SDCCAG8: variants seen among roughly 807,000 people sequenced by gnomAD.
SDCCAG8 encodes the protein serologically defined colon cancer antigen 8.
A neutral mutation model predicts 101.8 loss-of-function variants in SDCCAG8; 74 were observed. That is an observed-to-expected ratio of 0.73 (90% CI 0.60 to 0.88). The LOEUF is 0.88. SDCCAG8 is among the 40% of genes least tolerant of loss of function. The probability of loss-of-function intolerance (pLI) is 0.00; values close to 1 mark genes in which losing one functional copy is unlikely to be tolerated. For missense variants in SDCCAG8, 787 were observed against 822.6 expected (o/e 0.96, Z 0.53); for synonymous variants, 281 against 292.9 (o/e 0.96, Z 0.41).
At chr1:243,403,662 C>T (rs1350921518) in intron 13 of SDCCAG8, among the ~76,000 whole-genome samples, 1 of 152,072 alleles carries the variant, frequency 6.6e-6, no homozygotes. Context: ...CCATGGGGCG[C>T]TAACCGTATT....
chr1:243,283,421 G>A (rs1462398529), intron 4 of SDCCAG8, among the ~76,000 whole-genome samples: 1 of 144,430 alleles, frequency 6.9e-6, no homozygotes, highest in African/African-American at 2.5e-5. Flanking sequence ...ATATATACAT[G>A]TATATATATA....
rs566225048 is a variant in SDCCAG8, at chr1:243,378,926, C to T, written c.1616+63C>T. On this transcript the variant is annotated intron_variant, in intron 13 of 17. Coordinates refer to ENST00000366541, the MANE Select transcript of SDCCAG8 (RefSeq NM_006642.5). The stretch of plus-strand genomic sequence containing the variant: ...TCATTCCACTGATTTTTGCCACAGG[C>T]TTCCAAACAGTTGTTAGAGTTAGTC... 15 of 1,599,080 alleles carry T rather than the reference C, an allele frequency of 9.4e-6. No individual in the cohort carries two copies. The South Asian group carries it at 1.4e-4, about 15-fold the overall frequency.
At chr1:243,289,036 T>G (rs1361168286) in intron 5 of SDCCAG8, among the ~76,000 whole-genome samples, 1 of 151,522 alleles carries the variant, frequency 6.6e-6, no homozygotes, top group African/African-American at 2.4e-5. Flanking sequence ...AATTGAAACA[T>G]TTATATGGTG....
intron 12 of SDCCAG8, among the ~76,000 whole-genome samples, chr1:243,368,002 C>A (rs1472962758): frequency 6.6e-6 from 1 of 151,366 alleles, no homozygotes; most frequent in Non-Finnish European, 1.5e-5. Context: ...TCGCTTGAGC[C>A]CAGGAGTTCA....
intron 12 of SDCCAG8, among the ~76,000 whole-genome samples, chr1:243,347,517 CTGTT>C: frequency 6.6e-6 from 1 of 152,180 alleles, no homozygotes; most frequent in Non-Finnish European, 1.5e-5. Flanking sequence ...TTGTTGTTGT[CTGTT>C]AAATTTTGTA....
At chr1:243,341,550 G>A (rs189719702) in intron 11 of SDCCAG8, among the ~76,000 whole-genome samples, 1 of 152,284 alleles carries the variant, frequency 6.6e-6, no homozygotes, top group African/African-American at 2.4e-5. Flanking sequence ...ATAGCATAAG[G>A]TTGGTGTTTA....
intron 13 of SDCCAG8, among the ~76,000 whole-genome samples, chr1:243,394,139 G>A (rs972669599): frequency 2.0e-5 from 3 of 151,990 alleles, no homozygotes; most frequent in African/African-American, 7.3e-5. Context: ...TTTTGAACTT[G>A]TCTATTTCTT....
At chr1:243,295,914 G>T (rs1327740936) in intron 6 of SDCCAG8, among the ~76,000 whole-genome samples, 1 of 152,160 alleles carries the variant, frequency 6.6e-6, no homozygotes, top group Non-Finnish European at 1.5e-5. Context: ...TACCTCACAA[G>T]TGTTTTTCAC....
At chr1:243,268,641 C>T (rs1209772900) in intron 1 of SDCCAG8, among the ~76,000 whole-genome samples, 1 of 152,162 alleles carries the variant, frequency 6.6e-6, no homozygotes, top group East Asian at 1.9e-4. Context: ...AAATGAGTTG[C>T]TGCAAGTAAA....
intron 13 of SDCCAG8, among the ~76,000 whole-genome samples, chr1:243,391,916 C>T (rs571023361): frequency 2.9e-4 from 44 of 152,186 alleles, no homozygotes; most frequent in African/African-American, 9.9e-4. Context: ...GCCCTTTGCC[C>T]AGTAGCTCAT....
chr1:243,323,527 T>TCC (rs2073925088), intron 9 of SDCCAG8, among the ~76,000 whole-genome samples: 1 of 152,086 alleles, frequency 6.6e-6, no homozygotes, highest in African/African-American at 2.4e-5. Flanking sequence ...CCACTGTTTT[T>TCC]CCCCCTCATC....
intron 13 of SDCCAG8, 88 bp downstream of exon 13, chr1:243,378,951 C>A: frequency 6.5e-7 from 1 of 1,539,440 alleles, no homozygotes; most frequent in South Asian, 1.1e-5. Context: ...TAGAGTTAGT[C>A]TTAGTCATTC....
At chr1:243,428,093 A>G (rs1288540606) in intron 16 of SDCCAG8, among the ~76,000 whole-genome samples, 1 of 152,162 alleles carries the variant, frequency 6.6e-6, no homozygotes, top group Non-Finnish European at 1.5e-5. Context: ...TTATTTTCTT[A>G]CATTTGTGTA....
chr1:243,428,175 G>A (rs1173033245), intron 16 of SDCCAG8, among the ~76,000 whole-genome samples: 1 of 152,184 alleles, frequency 6.6e-6, no homozygotes, highest in African/African-American at 2.4e-5. Flanking sequence ...GAAAGTAGCT[G>A]CATTTATCAT....
chr1:243,360,144 C>CTTT (rs397860448), intron 12 of SDCCAG8, among the ~76,000 whole-genome samples: 5 of 112,870 alleles, frequency 4.4e-5, no homozygotes, highest in Admixed American at 8.8e-5. Flanking sequence ...GCAACAGTCT[C>CTTT]TTTTTTTTTT....
At chr1:243,470,228 C>T (rs186520203) in intron 16 of SDCCAG8, among the ~76,000 whole-genome samples, 88 of 152,280 alleles carry the variant, frequency 5.8e-4, no homozygotes, top group Non-Finnish European at 1.1e-3. Context: ...GCTGCCCCGA[C>T]GGGGCTGGGG....
At chr1:243,497,782 A>ATT (rs1668403725) in intron 17 of SDCCAG8, among the ~76,000 whole-genome samples, 1 of 152,102 alleles carries the variant, frequency 6.6e-6, no homozygotes, top group East Asian at 1.9e-4. Context: ...GGGCTACAGC[A>ATT]ATTCTCCTAC....
intron 12 of SDCCAG8, among the ~76,000 whole-genome samples, chr1:243,368,959 A>G (rs1468922514): frequency 6.6e-6 from 1 of 152,134 alleles, no homozygotes; most frequent in East Asian, 1.9e-4. Flanking sequence ...AACTCAGTGT[A>G]TTTCATCCCA....
chr1:243,412,381 GA>G (rs2080244324), intron 13 of SDCCAG8, among the ~76,000 whole-genome samples: 1 of 151,882 alleles, frequency 6.6e-6, no homozygotes, highest in Admixed American at 6.6e-5. Context: ...AGCTAAAAAG[GA>G]AAAAACAAAA....
Sources: gnomAD v4.1 joint callset for allele counts (sites outside exome capture counted in the v4.1 genomes callset) on GRCh38, gnomAD v4.1.1 for gene constraint, MANE v1.5 for transcripts, NCBI Gene and HGNC (gene_info 2026-07-23, HGNC 2026-07-21) for gene names.